The following CNTN6 variants were observed in gnomAD, a reference collection of about 807,000 sequenced individuals.
CNTN6 encodes the protein contactin-6.
A neutral mutation model predicts 122.8 loss-of-function variants in CNTN6; 137 were observed. The observed-to-expected ratio is 1.12, with a 90% CI of 0.97 to 1.29. CNTN6 has a LOEUF of 1.29. Ranked by LOEUF, CNTN6 falls within the 50% of genes most tolerant of loss-of-function variation. CNTN6 has a pLI of 0.00. For synonymous variants in CNTN6, 570 were observed against 426.0 expected, an observed-to-expected ratio of 1.34 and a Z score of -4.16; for missense variants, 1,634 against 1,223.4, an observed-to-expected ratio of 1.34 and a Z score of -5.01.
intron 2 of CNTN6, among the ~76,000 whole-genome samples, chr3:1,210,483 G>A (rs917069670): frequency 6.6e-6 from 1 of 152,094 alleles, no homozygotes; most frequent in African/African-American, 2.4e-5. Context: ...TATTAAGTGA[G>A]TTTAGTCTAG....
At chr3:1,145,277 A>G (rs1284129212) in intron 1 of CNTN6, among the ~76,000 whole-genome samples, 1 of 152,272 alleles carries the variant, frequency 6.6e-6, no homozygotes, top group East Asian at 1.9e-4. Flanking sequence ...TTCGACTGCC[A>G]TTGGTTTCAA....
rs1696094601 is a variant in CNTN6, at chr3:1,295,670, C to T, written c.524C>T (p.Ser175Phe). The change falls in exon 6 of 23, where the codon TCT becomes TTT. Residue 175 changes from serine (S) to phenylalanine (F), a missense_variant. By Grantham distance (155) the Ser-to-Phe change is radical (BLOSUM62 -2). Transcript: ENST00000446702. ...CAAGAGGACAATAGGCGATTTGTATCTCAAGAGACGGGAAACTTGTACATT... is the reference window on the plus strand; with the variant it reads ...CAAGAGGACAATAGGCGATTTGTATTTCAAGAGACGGGAAACTTGTACATT... ...YVQEDNRRFV[S>F]QETGNLYIAK... 4 of 1,614,002 alleles carry T rather than the reference C, an allele frequency of 2.5e-6. No individual in the cohort carries two copies. Among genetic ancestry groups the T allele is most frequent in the Non-Finnish European group, 3.4e-6 (4 of 1,179,924 alleles).
intron 8 of CNTN6, among the ~76,000 whole-genome samples, chr3:1,324,443 C>G (rs13065850): frequency 0.011 from 1,633 of 149,736 alleles, 34 homozygotes; most frequent in Non-Finnish European, 0.016. Flanking sequence ...GTCTCAGGTG[C>G]AAAACTACCA....
intron 4 of CNTN6, among the ~76,000 whole-genome samples, chr3:1,245,223 T>TA (rs1487209403): frequency 0.027 from 509 of 18,754 alleles, 85 homozygotes; most frequent in Middle Eastern, 0.2. Flanking sequence ...TATATATATA[T>TA]ATATATATAT....
intron 5 of CNTN6, among the ~76,000 whole-genome samples, chr3:1,288,850 A>T (rs768169361): frequency 2.6e-5 from 4 of 152,216 alleles, no homozygotes; most frequent in Non-Finnish European, 4.4e-5. Context: ...GGAAAAGAGG[A>T]TTTGTTGTAT....
chr3:1,382,799 A>G, intron 17 of CNTN6, 143 bp from the exon 18 acceptor site: 1 of 585,264 alleles, frequency 1.7e-6, no homozygotes, highest in South Asian at 2.5e-5. Context: ...ATTCCAAATA[A>G]AAGTGTTTTT....
intron 4 of CNTN6, among the ~76,000 whole-genome samples, chr3:1,274,032 T>G (rs1691860356): frequency 6.6e-6 from 1 of 152,232 alleles, no homozygotes; most frequent in South Asian, 2.1e-4. Flanking sequence ...TGACAGTGTT[T>G]GTTTTTGTGA....
At chr3:1,213,965 AGAT>A (rs1337344525) in intron 2 of CNTN6, among the ~76,000 whole-genome samples, 4 of 152,116 alleles carry the variant, frequency 2.6e-5, no homozygotes, top group African/African-American at 9.7e-5. Context: ...TTGCTGTGAA[AGAT>A]GATACTAGCG....
intron 2 of CNTN6, among the ~76,000 whole-genome samples, chr3:1,164,006 C>T (rs536778881): frequency 2.0e-5 from 3 of 152,274 alleles, no homozygotes; most frequent in Admixed American, 1.3e-4. Flanking sequence ...ACTATGTTTT[C>T]AGAATTTCTC....
chr3:1,098,781 C>CAT (rs1251889784), intron 1 of CNTN6, among the ~76,000 whole-genome samples: 4 of 60,888 alleles, frequency 6.6e-5, no homozygotes, highest in East Asian at 9.6e-4. Context: ...CACACACACA[C>CAT]ACACACACAT....
intron 1 of CNTN6, among the ~76,000 whole-genome samples, chr3:1,115,594 A>C (rs1294874283): frequency 6.6e-6 from 1 of 151,422 alleles, no homozygotes; most frequent in Non-Finnish European, 1.5e-5. Context: ...CTAAAAATCC[A>C]AAAAAAAATT....
intron 8 of CNTN6, among the ~76,000 whole-genome samples, chr3:1,325,289 T>C (rs559466590): frequency 9.2e-5 from 14 of 151,944 alleles, no homozygotes; most frequent in Non-Finnish European, 1.9e-4. Flanking sequence ...AAGAATTTTA[T>C]CTAGGAAAAA....
chr3:1,330,057 G>C, intron 11 of CNTN6, 122 bp downstream of exon 11: 1 of 607,400 alleles, frequency 1.6e-6, no homozygotes, highest in Non-Finnish European at 2.6e-6. Context: ...GGCATACCTA[G>C]AGACGCCAGC....
intron 4 of CNTN6, among the ~76,000 whole-genome samples, chr3:1,256,362 A>T (rs2094758741): frequency 6.6e-6 from 1 of 152,142 alleles, no homozygotes; most frequent in Non-Finnish European, 1.5e-5. Flanking sequence ...TGGATGTTAA[A>T]CCAATAATAT....
chr3:1,358,682 T>C (rs1344020153), intron 12 of CNTN6, among the ~76,000 whole-genome samples: 4 of 152,024 alleles, frequency 2.6e-5, no homozygotes, highest in African/African-American at 9.7e-5. Context: ...TTTCTCATTT[T>C]GACTCCCTCA....
At chr3:1,188,783 T>C (rs201884150) in intron 2 of CNTN6, among the ~76,000 whole-genome samples, 1 of 152,244 alleles carries the variant, frequency 6.6e-6, no homozygotes, top group South Asian at 2.1e-4. Flanking sequence ...CCCAAGCCTA[T>C]GCTGAGTAAT....
At chr3:1,221,860 G>C (rs1288258434) in intron 3 of CNTN6, among the ~76,000 whole-genome samples, 1 of 152,070 alleles carries the variant, frequency 6.6e-6, no homozygotes, top group South Asian at 2.1e-4. Context: ...ATGTGAAGTT[G>C]ATATGACACA....
At chr3:1,384,726 CACACATATATATACATATAT>C (rs1284554684) in intron 19 of CNTN6, among the ~76,000 whole-genome samples, 12 of 127,922 alleles carry the variant, frequency 9.4e-5, no homozygotes, top group Admixed American at 1.6e-4. Flanking sequence ...ACTATATATA[CACACATATATATACATATAT>C]ACACATATAT....
chr3:1,383,427 A>T lies in CNTN6; in HGVS notation c.2517+19A>T. ...CTATGAGGTAATCCACATTAATTTC[A>T]CTTTTGCTTATGAATGTGCCAATGG... On this transcript the variant is annotated intron_variant, in intron 19 of 22. Transcript: ENST00000446702. The T allele has an allele frequency of 6.3e-7, 1 of 1,594,568 alleles. No homozygotes were observed. The highest frequency in any genetic ancestry group is 8.6e-7 in the Non-Finnish European group (1 of 1,162,562).
Sources: gnomAD v4.1 joint callset for allele counts (sites outside exome capture counted in the v4.1 genomes callset) on GRCh38, gnomAD v4.1.1 for gene constraint, MANE v1.5 for transcripts, NCBI Gene and HGNC (gene_info 2026-07-23, HGNC 2026-07-21) for gene names.